Variants in MACF1 observed in about 807,000 individuals in gnomAD.
MACF1 encodes microtubule actin crosslinking factor 1.
A neutral mutation model predicts 854.8 loss-of-function variants in MACF1; 193 were observed. The ratio of observed to expected loss-of-function variants is 0.23; its 90% CI spans 0.20 to 0.25. MACF1 has a LOEUF of 0.25. Ranked by LOEUF, MACF1 falls within the 10% of genes least tolerant of loss-of-function variation. The probability of loss-of-function intolerance (pLI) is 1.00; values close to 1 mark genes in which losing one functional copy is unlikely to be tolerated. For missense variants in MACF1, 7,722 were observed against 8,929.1 expected, an observed-to-expected ratio of 0.86 and a Z score of 5.45; for synonymous variants, 3,185 against 3,226.7, an observed-to-expected ratio of 0.99 and a Z score of 0.44.
At chr1:39,106,205 G>A (rs1332760729) in intron 2 of MACF1, among the ~76,000 whole-genome samples, 1 of 152,158 alleles carries the variant, frequency 6.6e-6, no homozygotes, top group East Asian at 1.9e-4. Context: ...AAAGCACCTT[G>A]GTGTCTTCGG....
intron 80 of MACF1, among the ~76,000 whole-genome samples, 176 bp from the exon 81 acceptor site, chr1:39,447,256 A>G (rs555333935): frequency 6.6e-6 from 1 of 152,348 alleles, no homozygotes; most frequent in Admixed American, 6.5e-5. Context: ...TTCAGACACT[A>G]ACATTAAAAT....
At chr1:39,428,454 A>T (rs1468134982) in intron 63 of MACF1, among the ~76,000 whole-genome samples, 167 bp downstream of exon 63, 1 of 152,026 alleles carries the variant, frequency 6.6e-6, no homozygotes, top group Non-Finnish European at 1.5e-5. Context: ...CTGTTTTTGG[A>T]TGAGTCCATG....
intron 2 of MACF1, among the ~76,000 whole-genome samples, chr1:39,116,119 G>A (rs1642537924): frequency 6.6e-6 from 1 of 152,176 alleles, no homozygotes; most frequent in African/African-American, 2.4e-5. Context: ...TATTTTAAGT[G>A]CTGTTTTGAA....
chr1:39,350,727 A>T, intron 42 of MACF1, 58 bp from the exon 43 acceptor site: 1 of 1,221,498 alleles, frequency 8.2e-7, no homozygotes, highest in Non-Finnish European at 1.2e-6. Context: ...TTATACCATT[A>T]GAGGACTTAG....
At position 39,479,900 on chromosome 1, in the gene MACF1, C is replaced by T; in HGVS notation, c.22061C>T (p.Pro7354Leu). 6.2e-7 allele frequency: 1 copy of T among 1,614,212 alleles called. No homozygotes were observed. Among genetic ancestry groups the T allele is most frequent in the Non-Finnish European group, 8.5e-7 (1 of 1,180,026 alleles). ...PFRSRGRRSK[P>L]SSRAASPTRS... ...CGCTCACGGGGTCGAAGGTCCAAAC[C>T]ATCTTCCCGGGCAGCTTCCCCTACT... The change falls in exon 98 of 101, where the codon CCA becomes CTA. Residue 7354 changes from proline to leucine, a missense_variant. Physicochemically the swap from Pro to Leu is moderately conservative, Grantham distance 98. This residue lies in a region of MACF1 where 153 missense variants were observed against 342.5 expected (regional missense o/e 0.45). Coordinates refer to ENST00000564288, the MANE Select transcript of MACF1 (RefSeq NM_001394062.1).
At position 39,460,549 on chromosome 1, in the gene MACF1, A is replaced by G. The variant is rs1644534521; in HGVS notation, c.21361-83A>G. On this transcript the variant is annotated intron_variant, in intron 91 of 100. Coordinates refer to ENST00000564288, the MANE Select transcript of MACF1 (RefSeq NM_001394062.1). This position sits in a 1 kb window ranked among gnomAD's most constrained non-coding sequence, Gnocchi z 4.1. Reference sequence around the variant, plus strand: ...GCCCCTGGAAGCATGGCTTTACTGAATGTCTGAAAGTTTGGGTATGCTCTG... The same window carrying G: ...GCCCCTGGAAGCATGGCTTTACTGAGTGTCTGAAAGTTTGGGTATGCTCTG... 3 of 1,189,508 alleles carry G rather than the reference A, an allele frequency of 2.5e-6. No homozygotes were observed. In the Admixed American group the frequency reaches 5.4e-5, roughly 21 times the overall value. The allele number at this position is 1,189,508 out of a possible 1,614,324, so 73.7% of individuals were successfully genotyped here.
intron 58 of MACF1, chr1:39,413,230 A>C: frequency 6.2e-7 from 1 of 1,612,854 alleles, no homozygotes; most frequent in Non-Finnish European, 8.5e-7. Flanking sequence ...GGAGCCTGAT[A>C]CTGCAGCTGT....
At position 39,357,526 on chromosome 1, in the gene MACF1, C is replaced by T; in HGVS notation, c.11576C>T (p.Ser3859Phe). The T allele has an allele frequency of 1.2e-6, 2 of 1,614,172 alleles. No individual in the cohort carries two copies. The highest frequency in any genetic ancestry group is 1.7e-6 in the Non-Finnish European group (2 of 1,180,044). Residue 3859 changes from serine to phenylalanine, a missense_variant, in exon 45 of 101, where the codon TCT becomes TTT. Physicochemically the swap from Ser to Phe is radical, Grantham distance 155. Coordinates refer to ENST00000564288, the MANE Select transcript of MACF1 (RefSeq NM_001394062.1). ...CTGGGAGAGCTAAAGGAACAATACT[C>T]TACTTCCCTGGCCCAATCAGAGGCA... Reference protein sequence around the residue: ...QKLGELKEQYSTSLAQSEAEL... With the variant: ...QKLGELKEQYFTSLAQSEAEL...
chr1:39,150,609 G>T (rs1478629462), intron 2 of MACF1, among the ~76,000 whole-genome samples: 1 of 152,090 alleles, frequency 6.6e-6, no homozygotes, highest in African/African-American at 2.4e-5. Context: ...CAAGATTCTT[G>T]AAGAATGGTA....
At chr1:39,477,754 G>A (rs1644936642) in intron 97 of MACF1, among the ~76,000 whole-genome samples, 1 of 152,036 alleles carries the variant, frequency 6.6e-6, no homozygotes, top group African/African-American at 2.4e-5. Context: ...CTGCCACTTT[G>A]CTTGACCTCA....
chr1:39,269,398 A>G, intron 6 of MACF1: 1 of 1,289,876 alleles, frequency 7.8e-7, no homozygotes, highest in South Asian at 1.2e-5. Flanking sequence ...GGTGCCCCTC[A>G]GACAGCTTCC....
At chr1:39,357,980 A>G in intron 45 of MACF1, 87 bp downstream of exon 45, 1 of 1,320,308 alleles carries the variant, frequency 7.6e-7, no homozygotes, top group Non-Finnish European at 1.0e-6. Context: ...CAGAATAAGA[A>G]CTCCAGGACA....
intron 58 of MACF1, among the ~76,000 whole-genome samples, chr1:39,394,823 C>T (rs961266421): frequency 1.3e-5 from 2 of 152,116 alleles, no homozygotes; most frequent in Non-Finnish European, 2.9e-5. Context: ...CTTGGAGAGA[C>T]AGGAAATCAC....
chr1:39,317,075 C>A, intron 28 of MACF1, 139 bp from the exon 29 acceptor site: 1 of 859,364 alleles, frequency 1.2e-6, no homozygotes, highest in Non-Finnish European at 1.8e-6. Context: ...TGGAGGCAGT[C>A]CTGGCACAAA....
At chr1:39,321,328 T>C (rs1205500472) in intron 31 of MACF1, among the ~76,000 whole-genome samples, 1 of 152,234 alleles carries the variant, frequency 6.6e-6, no homozygotes, top group Non-Finnish European at 1.5e-5. Flanking sequence ...AGATAATGTA[T>C]ACATAGGACC....
intron 1 of MACF1, among the ~76,000 whole-genome samples, chr1:39,213,784 G>A (rs1201694285): frequency 6.6e-6 from 1 of 152,108 alleles, no homozygotes; most frequent in African/African-American, 2.4e-5. Context: ...CATCTCCAAG[G>A]CTAAAAAGAG....
At chr1:39,235,269 C>G (rs983932050) in intron 2 of MACF1, among the ~76,000 whole-genome samples, 1 of 148,534 alleles carries the variant, frequency 6.7e-6, no homozygotes, top group African/African-American at 2.4e-5. Flanking sequence ...CTTGGGAGGC[C>G]GAGGCTGGTG....
At chr1:39,281,638 G>T (rs1377483834) in intron 6 of MACF1, among the ~76,000 whole-genome samples, 3 of 152,046 alleles carry the variant, frequency 2.0e-5, no homozygotes, top group African/African-American at 7.3e-5. Flanking sequence ...CTACAGGCAT[G>T]AGCCACTGCA....
At chr1:39,164,456 A>G (rs1643864325) in intron 2 of MACF1, among the ~76,000 whole-genome samples, 1 of 152,192 alleles carries the variant, frequency 6.6e-6, no homozygotes, top group Non-Finnish European at 1.5e-5. Context: ...TATCCAGTTA[A>G]TTTCATGGTA....
Sources: gnomAD v4.1 joint callset for allele counts (sites outside exome capture counted in the v4.1 genomes callset) on GRCh38, gnomAD v4.1.1 for gene constraint, gnomAD v4.1.1 regional missense constraint, Gnocchi (gnomAD v3.1) non-coding constraint, MANE v1.5 for transcripts, NCBI Gene and HGNC (gene_info 2026-07-23, HGNC 2026-07-21) for gene names.